The following PLCXD1 variants were observed in gnomAD, a reference collection of about 807,000 sequenced individuals.
The protein encoded by PLCXD1 is phosphatidylinositol specific phospholipase C X domain containing 1.
In PLCXD1, 45 loss-of-function variants were observed where a neutral mutation model predicts 37.8. The observed-to-expected ratio is 1.19, with a 90% CI of 0.94 to 1.53. PLCXD1 has a LOEUF of 1.53. PLCXD1 is among the 40% of genes most tolerant of loss of function. The pLI, the probability that PLCXD1 is intolerant of heterozygous loss-of-function variation, is 0.00. For synonymous variants in PLCXD1, 246 were observed against 206.9 expected, an observed-to-expected ratio of 1.19 and a Z score of -1.62; for missense variants, 539 against 454.7, an observed-to-expected ratio of 1.19 and a Z score of -1.69.
intron 4 of PLCXD1, among the ~76,000 whole-genome samples, 155 bp from the exon 5 acceptor site, chrX:291,344 C>T (rs1319044292): frequency 6.6e-6 from 1 of 152,058 alleles, no homozygotes; most frequent in East Asian, 1.9e-4. Context: ...CGGGGTTTCA[C>T]CATGTTGGCT....
Position 299,435 on chromosome X carries a change from C to A in PLCXD1, c.*100C>A. Reference sequence around the variant, plus strand: ...GGGCCAAATGTTGGTGATCATAGGACCGATGATAATACGTTTTCATTTTCT... The same window carrying A: ...GGGCCAAATGTTGGTGATCATAGGAACGATGATAATACGTTTTCATTTTCT... On this transcript the variant is annotated 3_prime_UTR_variant, in exon 7 of 7. Coordinates refer to ENST00000381657, the MANE Select transcript of PLCXD1 (RefSeq NM_018390.4). 1 of 869,012 alleles carries A rather than the reference C, an allele frequency of 1.2e-6. No individual in the cohort carries two copies. Among genetic ancestry groups the A allele is most frequent in the South Asian group, 1.4e-5 (1 of 70,878 alleles). 53.8% of individuals were successfully genotyped at this position (869,012 alleles called of 1,614,324 possible). A position where few individuals can be genotyped will look rare whatever the true frequency, so the allele number is the denominator to read the frequency against.
At chrX:292,383 C>CG (rs1428803301) in intron 5 of PLCXD1, among the ~76,000 whole-genome samples, 1 of 151,826 alleles carries the variant, frequency 6.6e-6, no homozygotes, top group Non-Finnish European at 1.5e-5. Flanking sequence ...GGTGTGAACC[C>CG]GGGGGGTGGA....
chrX:285,288 A>T (rs1437316201), intron 2 of PLCXD1, among the ~76,000 whole-genome samples: 1 of 152,178 alleles, frequency 6.6e-6, no homozygotes, highest in Admixed American at 6.5e-5. Flanking sequence ...TCATACACAC[A>T]TGGATGCACA....
At position 294,801 on chromosome X, in the gene PLCXD1, C is replaced by T. The variant is rs530076253; in HGVS notation, c.733+1583C>T. On this transcript the variant is annotated intron_variant, in intron 6 of 6. Transcript: ENST00000381657. ...CCTGGGCAACAGAGCGAGACTCTGTCTCAAAACAAAACAAGACAAAATCAA... is the reference window on the plus strand; with the variant it reads ...CCTGGGCAACAGAGCGAGACTCTGTTTCAAAACAAAACAAGACAAAATCAA... Among the ~76,000 whole-genome samples, 16 of 151,908 alleles carry T rather than the reference C, an allele frequency of 1.1e-4. No individual in the cohort carries two copies. The South Asian group carries it at 2.9e-3, about 28-fold the overall frequency.
At position 299,269 on chromosome X, in the gene PLCXD1, C is replaced by T; in HGVS notation, c.906C>T (p.Asp302=). The change falls in exon 7 of 7, where the codon GAC becomes GAT. Residue 302 remains aspartate (D), a synonymous_variant. Coordinates refer to ENST00000381657, the MANE Select transcript of PLCXD1 (RefSeq NM_018390.4). The stretch of plus-strand genomic sequence containing the variant: ...GGTGCACCAACATCATCGCGGGGGA[C>T]TTCATCGGCGCAGACGGCTTCGTCA... ...GSRCTNIIAG[D]FIGADGFVSD... 1.2e-6 allele frequency: 2 copies of T among 1,613,888 alleles called. No homozygotes were observed. Among genetic ancestry groups the T allele is most frequent in the South Asian group, 1.1e-5 (1 of 91,074 alleles).
In PLCXD1 at chrX:291,653, G is replaced by T. The variant is rs763077877; in HGVS notation, c.548G>T (p.Gly183Val). 1.2e-6 allele frequency: 2 copies of T among 1,612,356 alleles called. No homozygotes were observed. Among genetic ancestry groups the T allele is most frequent in the Admixed American group, 1.7e-5 (1 of 60,010 alleles). The change falls in exon 5 of 7, where the codon GGG (glycine) becomes GTG (valine). Residue 183 changes from glycine to valine, a missense_variant and splice_region_variant. Transcript: ENST00000381657. Reference sequence around the variant, plus strand: ...TTCGGGGACATGCTGTGTCCTCGTGGGGTGAGGAGGGGAAGGATATCCGCA... The same window carrying T: ...TTCGGGGACATGCTGTGTCCTCGTGTGGTGAGGAGGGGAAGGATATCCGCA... ...NIFGDMLCPRGEVPTLRQLWS... is the reference protein window; with the variant it reads ...NIFGDMLCPRVEVPTLRQLWS...
In PLCXD1 at chrX:284,490, G is replaced by A. The variant is rs185977580; in HGVS notation, c.127+176G>A. Among the ~76,000 whole-genome samples the A allele has an allele frequency of 7.6e-4, 116 of 152,272 alleles. 1 individual carries two copies. In the East Asian group the frequency reaches 0.019, roughly 24 times the overall value. On this transcript the variant is annotated intron_variant, in intron 2 of 6. Transcript: ENST00000381657. Reference sequence around the variant, plus strand: ...ACACACACATACACACAGTGCACACGTGTGTGCATACACATATGTACATAG... The same window carrying A: ...ACACACACATACACACAGTGCACACATGTGTGCATACACATATGTACATAG...
intron 6 of PLCXD1, among the ~76,000 whole-genome samples, chrX:295,822 A>G (rs1357599182): frequency 6.9e-6 from 1 of 145,486 alleles, no homozygotes; most frequent in Non-Finnish European, 1.5e-5. Context: ...CCACGGTGCC[A>G]GGCGGAAAAT....
chrX:282,953 ATATT>A lies in PLCXD1; in HGVS notation c.-21-1213_-21-1210del, dbSNP rs985130106. Among the ~76,000 whole-genome samples, 436 of 145,530 alleles carry A rather than the reference ATATT, an allele frequency of 3.0e-3. 3 individuals carry two copies. The highest frequency in any genetic ancestry group is 0.01 in the African/African-American group (399 of 39,808). On this transcript the variant is annotated intron_variant, in intron 1 of 6. Transcript: ENST00000381657. ...TGTATGTTATATATATATTATATAT[ATATT>A]ATATATGTATATATTATATGTATAA...
intron 2 of PLCXD1, among the ~76,000 whole-genome samples, chrX:286,699 A>G (rs1270262123): frequency 6.6e-6 from 1 of 152,152 alleles, no homozygotes; most frequent in Non-Finnish European, 1.5e-5. Flanking sequence ...TTTTTCATAC[A>G]ACGTCTGGCA....
intron 4 of PLCXD1, among the ~76,000 whole-genome samples, chrX:291,165 A>AG (rs1415991376): frequency 6.9e-6 from 1 of 144,308 alleles, no homozygotes; most frequent in Non-Finnish European, 1.5e-5. Context: ...TTTTTTTTGG[A>AG]GATGGAGTCT....
chrX:294,440 C>A (rs996584805), intron 6 of PLCXD1, among the ~76,000 whole-genome samples: 2 of 151,310 alleles, frequency 1.3e-5, no homozygotes, highest in Admixed American at 1.3e-4. Flanking sequence ...CGAGATCACG[C>A]CACTGAACTC....
At chrX:298,997 T>TA in intron 6 of PLCXD1, 100 bp from the exon 7 acceptor site, 1 of 929,920 alleles carries the variant, frequency 1.1e-6, no homozygotes, top group Non-Finnish European at 1.8e-6. Context: ...TTTCAACTCT[T>TA]AATTCCTGAG....
chrX:299,252 A>G lies in PLCXD1; in HGVS notation c.889A>G (p.Asn297Asp), dbSNP rs768591369. The change falls in exon 7 of 7, where the codon AAC becomes GAC. Residue 297 changes from asparagine to aspartate, a missense_variant. Asn to Asp is a conservative substitution (Grantham distance 23). Transcript: ENST00000381657. Reference sequence around the variant, plus strand: ...CCCGGGGCCGGGTTCACGGTGCACCAACATCATCGCGGGGGACTTCATCGG... The same window carrying G: ...CCCGGGGCCGGGTTCACGGTGCACCGACATCATCGCGGGGGACTTCATCGG... The part of the protein sequence containing the change: ...QCPGPGSRCT[N>D]IIAGDFIGAD... The G allele has an allele frequency of 8.1e-6, 13 of 1,613,952 alleles. No individual in the cohort carries two copies. The highest frequency in any genetic ancestry group is 1.7e-4 in the Middle Eastern group (1 of 6,056).
chrX:294,225 G>A (rs2069727635), intron 6 of PLCXD1, among the ~76,000 whole-genome samples: 1 of 152,238 alleles, frequency 6.6e-6, no homozygotes, highest in South Asian at 2.1e-4. Flanking sequence ...GCTCACGCCT[G>A]TAATCCCAGC....
chrX:289,078 A>G (rs968627307), intron 3 of PLCXD1, among the ~76,000 whole-genome samples: 3 of 151,800 alleles, frequency 2.0e-5, no homozygotes, highest in Non-Finnish European at 2.9e-5. Context: ...AAGAGAGGGG[A>G]ACAGTGTTTT....
In PLCXD1 at chrX:299,381, C is replaced by T. The variant is rs778503985; in HGVS notation, c.*46C>T. On this transcript the variant is annotated 3_prime_UTR_variant, in exon 7 of 7. Transcript: ENST00000381657. Reference sequence around the variant, plus strand: ...GGACGCGGCGGCTGCAGTTTCACCCCCGAATTTCCAAGTATTGTGACTTTG... The same window carrying T: ...GGACGCGGCGGCTGCAGTTTCACCCTCGAATTTCCAAGTATTGTGACTTTG... The T allele has an allele frequency of 4.4e-6, 6 of 1,349,592 alleles. No homozygotes were observed. The highest frequency in any genetic ancestry group is 6.4e-6 in the Non-Finnish European group (6 of 939,248). The allele number at this position is 1,349,592 out of a possible 1,614,324, so 83.6% of individuals were successfully genotyped here.
upstream of PLCXD1, among the ~76,000 whole-genome samples, chrX:279,982 G>A (rs1365409053): frequency 1.3e-5 from 2 of 152,080 alleles, no homozygotes; most frequent in African/African-American, 2.4e-5. Flanking sequence ...CCCAGTAGCT[G>A]GGACTACAGG....
Position 291,596 on chromosome X carries a change from A to G in PLCXD1, c.491A>G (p.His164Arg). 1 of 1,613,014 alleles carries G rather than the reference A, an allele frequency of 6.2e-7. No homozygotes were observed. Among genetic ancestry groups the G allele is most frequent in the Non-Finnish European group, 8.5e-7 (1 of 1,179,836 alleles). Reference sequence around the variant, plus strand: ...TTCGAGGGGCTGAGCGAGGACCTGCACGAGTACCTGGTCGCCTGTATCAAG... The same window carrying G: ...TTCGAGGGGCTGAGCGAGGACCTGCGCGAGTACCTGGTCGCCTGTATCAAG... ...RNFEGLSEDL[H>R]EYLVACIKNI... Residue 164 changes from histidine to arginine, a missense_variant, in exon 5 of 7, where the codon CAC becomes CGC. By Grantham distance (29) the His-to-Arg change is conservative. Transcript: ENST00000381657.
Sources: gnomAD v4.1 joint callset for allele counts (sites outside exome capture counted in the v4.1 genomes callset) on GRCh38, gnomAD v4.1.1 for gene constraint, MANE v1.5 for transcripts, NCBI Gene and HGNC (gene_info 2026-07-23, HGNC 2026-07-21) for gene names.